CREB1: variants seen among roughly 807,000 people sequenced by gnomAD.
CREB1 encodes cyclic AMP-responsive element-binding protein 1.
Under a neutral mutation model 42.0 loss-of-function variants are expected in CREB1, and 2 were observed. The ratio of observed to expected loss-of-function variants is 0.05; its 90% CI spans 0.02 to 0.15. The LOEUF is 0.15. Ranked by LOEUF, CREB1 falls within the 10% of genes least tolerant of loss-of-function variation. The pLI, the probability that CREB1 is intolerant of heterozygous loss-of-function variation, is 1.00. For missense variants in CREB1, 199 were observed against 388.9 expected, an observed-to-expected ratio of 0.51 and a Z score of 4.11; for synonymous variants, 123 against 139.9, an observed-to-expected ratio of 0.88 and a Z score of 0.85.
intron 7 of CREB1, chr2:207,582,882 CT>C: frequency 3.2e-6 from 1 of 307,754 alleles, no homozygotes; most frequent in Non-Finnish European, 6.5e-6. Flanking sequence ...CAGAGTGAGA[CT>C]CTGTCTCAAA....
intron 1 of CREB1, among the ~76,000 whole-genome samples, chr2:207,530,584 G>T (rs2080563564): frequency 6.8e-6 from 1 of 147,014 alleles, no homozygotes; most frequent in African/African-American, 2.4e-5. Flanking sequence ...CGCTCGTCCG[G>T]CCCCCGCCGC....
intron 1 of CREB1, among the ~76,000 whole-genome samples, chr2:207,532,609 A>T (rs2080692599): frequency 2.0e-5 from 3 of 151,200 alleles, no homozygotes; most frequent in Admixed American, 6.6e-5. Flanking sequence ...GGAGGTGGAG[A>T]TTGCAGTGAG....
chr2:207,547,301 T>A (rs931209230), intron 1 of CREB1, among the ~76,000 whole-genome samples: 2 of 152,386 alleles, frequency 1.3e-5, no homozygotes, highest in African/African-American at 4.8e-5. Flanking sequence ...GTAATCACTT[T>A]GATTTTCTTA....
intron 1 of CREB1, among the ~76,000 whole-genome samples, chr2:207,548,260 CTT>C (rs746624351): frequency 6.6e-5 from 10 of 152,080 alleles, no homozygotes; most frequent in Non-Finnish European, 1.3e-4. Flanking sequence ...CTGTTAAATA[CTT>C]CCTTCAAGAA....
In CREB1 at chr2:207,603,189, C is replaced by A; in HGVS notation, c.*6131C>A. ...ATTTTTTTATCTAAATCTTTTTGTG[C>A]TTTATGTGTAAAGAAAAAAATGTAC... is the stretch of plus-strand genomic sequence containing the variant. On this transcript the variant is annotated 3_prime_UTR_variant, in exon 8 of 8. Transcript: ENST00000353267. The A allele has an allele frequency of 4.7e-6, 1 of 213,714 alleles. No homozygotes were observed. Among genetic ancestry groups the A allele is most frequent in the East Asian group, 7.1e-5 (1 of 14,116 alleles). The allele number at this position is 213,714 out of a possible 1,614,324, so 13.2% of individuals were successfully genotyped here. A position where few individuals can be genotyped will look rare whatever the true frequency, so the allele number is the denominator to read the frequency against.
chr2:207,564,240 C>G (rs2082057830), intron 3 of CREB1, among the ~76,000 whole-genome samples: 1 of 152,082 alleles, frequency 6.6e-6, no homozygotes, highest in East Asian at 1.9e-4. Context: ...AACACTGTAT[C>G]TAAGGCCAGG....
In CREB1 at chr2:207,597,203, A is replaced by G. The variant is rs980566891; in HGVS notation, c.*145A>G. 1.1e-5 allele frequency: 10 copies of G among 874,348 alleles called. No individual in the cohort carries two copies. Among genetic ancestry groups the G allele is most frequent in the Non-Finnish European group, 1.6e-5 (10 of 608,272 alleles). 54.2% of individuals were successfully genotyped at this position (874,348 alleles called of 1,614,324 possible). A position where few individuals can be genotyped will look rare whatever the true frequency, so the allele number is the denominator to read the frequency against. ...TGAAAGCAACTACAGAATTTCATTC[A>G]TTTGTGCTTTTGCATTAAACTGTGA... On this transcript the variant is annotated 3_prime_UTR_variant, in exon 8 of 8. Transcript: ENST00000353267.
chr2:207,600,144 C>G lies in CREB1; in HGVS notation c.*3086C>G, dbSNP rs936470018. 5 of 180,790 alleles carry G rather than the reference C, an allele frequency of 2.8e-5. No individual in the cohort carries two copies. The highest frequency in any genetic ancestry group is 1.2e-5 in the Non-Finnish European group (1 of 85,138). 11.2% of individuals were successfully genotyped at this position (180,790 alleles called of 1,614,324 possible). The stretch of plus-strand genomic sequence containing the variant: ...AATTTTAAGTTCATTCTTTTTCAAA[C>G]TCAAGTACCATATTGGCAACCATAA... On this transcript the variant is annotated 3_prime_UTR_variant, in exon 8 of 8. Coordinates refer to ENST00000353267, the MANE Select transcript of CREB1 (RefSeq NM_004379.5).
intron 2 of CREB1, among the ~76,000 whole-genome samples, 165 bp downstream of exon 2, chr2:207,555,914 G>A (rs2081701958): frequency 6.6e-6 from 1 of 152,010 alleles, no homozygotes; most frequent in South Asian, 2.1e-4. Flanking sequence ...AGAAATGATA[G>A]TATTAATTCA....
At position 207,605,318 on chromosome 2, in the gene CREB1, TG is replaced by T. The variant is rs2087905358; in HGVS notation, c.*8262del. Reference sequence around the variant, plus strand: ...TGCATTTCCCTGATTACTAATGATGTGGAGCATCTTTTGTTGTCTTTGGCCA... The same window carrying T: ...TGCATTTCCCTGATTACTAATGATGTGAGCATCTTTTGTTGTCTTTGGCCA... On this transcript the variant is annotated 3_prime_UTR_variant, in exon 8 of 8. Transcript: ENST00000353267. Among the ~76,000 whole-genome samples the T allele has an allele frequency of 2.0e-5, 3 of 152,222 alleles. No individual in the cohort carries two copies. Among genetic ancestry groups the T allele is most frequent in the Admixed American group, 2.0e-4 (3 of 15,284 alleles).
At chr2:207,548,979 T>A (rs185632721) in intron 1 of CREB1, among the ~76,000 whole-genome samples, 1 of 152,358 alleles carries the variant, frequency 6.6e-6, no homozygotes, top group East Asian at 1.9e-4. Context: ...CTTTGTAATA[T>A]CTAGATTGGA....
intron 7 of CREB1, among the ~76,000 whole-genome samples, chr2:207,587,454 T>C (rs1362568729): frequency 6.6e-6 from 1 of 151,466 alleles, no homozygotes; most frequent in Non-Finnish European, 1.5e-5. Flanking sequence ...CTATATGATC[T>C]AGCAATCCTA....
At chr2:207,563,796 T>G (rs1207080368) in intron 3 of CREB1, among the ~76,000 whole-genome samples, 2 of 151,964 alleles carry the variant, frequency 1.3e-5, no homozygotes, top group Non-Finnish European at 2.9e-5. Flanking sequence ...ATGCAAAAAT[T>G]AGCCAGGCGT....
At position 207,596,903 on chromosome 2, in the gene CREB1, T is replaced by C; in HGVS notation, c.840-11T>C. The C allele has an allele frequency of 6.3e-7, 1 of 1,597,844 alleles. No individual in the cohort carries two copies. The highest frequency in any genetic ancestry group is 8.5e-7 in the Non-Finnish European group (1 of 1,176,058). ...ATTTGCATAATTTTTCCCGTCCTCT[T>C]TTGCTTGTAGGGAAGCAGCTCGAGA... is the stretch of plus-strand genomic sequence containing the variant. On this transcript the variant is annotated splice_polypyrimidine_tract_variant and intron_variant, in intron 7 of 7. Transcript: ENST00000353267.
chr2:207,531,756 C>T (rs1026940799), intron 1 of CREB1, among the ~76,000 whole-genome samples: 1 of 152,190 alleles, frequency 6.6e-6, no homozygotes, highest in African/African-American at 2.4e-5. Flanking sequence ...GTGATTGATA[C>T]GTACAAACCT....
At chr2:207,541,078 G>A (rs1444194004) in intron 1 of CREB1, among the ~76,000 whole-genome samples, 1 of 152,156 alleles carries the variant, frequency 6.6e-6, no homozygotes, top group East Asian at 1.9e-4. Flanking sequence ...AAATTAGCCA[G>A]GTGTGGTGGC....
chr2:207,564,061 A>G (rs987440645), intron 3 of CREB1, among the ~76,000 whole-genome samples: 2 of 152,076 alleles, frequency 1.3e-5, no homozygotes, highest in Non-Finnish European at 2.9e-5. Flanking sequence ...TATGCTTATC[A>G]TATCTCTTTA....
rs1402760088 is a variant in CREB1 at position 207,598,322 on chromosome 2, G to A, written c.*1264G>A. The stretch of plus-strand genomic sequence containing the variant: ...TCTCTTGTAAAAAGAGTAGTTATTA[G>A]TTCTGCTTTAGCTTTCCAATATGCT... On this transcript the variant is annotated 3_prime_UTR_variant, in exon 8 of 8. Coordinates refer to ENST00000353267, the MANE Select transcript of CREB1 (RefSeq NM_004379.5). 1 of 183,960 alleles carries A rather than the reference G, an allele frequency of 5.4e-6. No individual in the cohort carries two copies. Among genetic ancestry groups the A allele is most frequent in the Non-Finnish European group, 1.2e-5 (1 of 86,606 alleles). The allele number at this position is 183,960 out of a possible 1,614,324, so 11.4% of individuals were successfully genotyped here. A position where few individuals can be genotyped will look rare whatever the true frequency, so the allele number is the denominator to read the frequency against.
chr2:207,552,441 A>C (rs1385116301), intron 1 of CREB1, among the ~76,000 whole-genome samples: 1 of 152,140 alleles, frequency 6.6e-6, no homozygotes, highest in Non-Finnish European at 1.5e-5. Flanking sequence ...AACTACGCAT[A>C]CCAGATGACA....
Sources: gnomAD v4.1 joint callset for allele counts (sites outside exome capture counted in the v4.1 genomes callset) on GRCh38, gnomAD v4.1.1 for gene constraint, MANE v1.5 for transcripts, NCBI Gene and HGNC (gene_info 2026-07-23, HGNC 2026-07-21) for gene names.